SHISA9: variants seen among roughly 807,000 people sequenced by gnomAD.
The protein encoded by SHISA9 is protein shisa-9.
Under a neutral mutation model 38.0 loss-of-function variants are expected in SHISA9, and 13 were observed. The ratio of observed to expected loss-of-function variants is 0.34; its 90% CI spans 0.22 to 0.54. The LOEUF (loss-of-function observed/expected upper bound fraction) is 0.54, where lower values mean the gene tolerates loss of function less well. Among genes scored for constraint, SHISA9 ranks in the 20% least tolerant of loss-of-function variants. The pLI, the probability that SHISA9 is intolerant of heterozygous loss-of-function variation, is 0.91. For missense variants in SHISA9, 538 were observed against 575.8 expected, an observed-to-expected ratio of 0.93 and a Z score of 0.67; for synonymous variants, 275 against 242.0, an observed-to-expected ratio of 1.14 and a Z score of -1.27.
the SHISA9 span, among the ~76,000 whole-genome samples, chr16:13,355,943 G>C: frequency 3.9e-5 from 6 of 152,190 alleles, no homozygotes; most frequent in African/African-American, 1.4e-4. Flanking sequence ...GATTTTCAGT[G>C]GGGTCCCACA....
At chr16:13,204,823 G>C (rs2051047851) in intron 3 of SHISA9, 1 of 152,194 alleles carries the variant, frequency 6.6e-6, no homozygotes, top group Admixed American at 6.5e-5. Context: ...AGCAGCAGTG[G>C]GTGACAGAGC....
At chr16:13,469,563 C>T in the SHISA9 span, among the ~76,000 whole-genome samples, 1 of 152,238 alleles carries the variant, frequency 6.6e-6, no homozygotes, top group African/African-American at 2.4e-5. Flanking sequence ...CTATAAAATC[C>T]AGTTCTGTGC....
At chr16:13,439,164 A>C in the SHISA9 span, among the ~76,000 whole-genome samples, 4 of 152,194 alleles carry the variant, frequency 2.6e-5, no homozygotes, top group Non-Finnish European at 5.9e-5. Flanking sequence ...GATGGACCCT[A>C]TGTCTCCTCT....
At chr16:13,286,639 G>T in the SHISA9 span, among the ~76,000 whole-genome samples, 1 of 152,182 alleles carries the variant, frequency 6.6e-6, no homozygotes, top group Non-Finnish European at 1.5e-5. Context: ...ATATCGGAGA[G>T]CTTTGATGTG....
the SHISA9 span, among the ~76,000 whole-genome samples, chr16:13,373,308 G>A: frequency 3.3e-5 from 5 of 152,208 alleles, no homozygotes; most frequent in African/African-American, 9.6e-5. Flanking sequence ...TAGCCTGGGA[G>A]GTAGTATGCT....
rs536470298 is a variant in SHISA9, at chr16:12,914,228, T to C, written c.564-2460T>C. ...GCCCGGCTAATTTTTGTATTTTTAGTAGAGATGGGGTTTCACCATGTTGGT... is the reference window on the plus strand; with the variant it reads ...GCCCGGCTAATTTTTGTATTTTTAGCAGAGATGGGGTTTCACCATGTTGGT... On this transcript the variant is annotated intron_variant, in intron 1 of 4. Transcript: ENST00000558583. Among the ~76,000 whole-genome samples the C allele has an allele frequency of 3.3e-5, 5 of 152,066 alleles. No individual in the cohort carries two copies. The South Asian group carries it at 1.0e-3, about 32-fold the overall frequency.
chr16:13,308,375 C>T, the SHISA9 span, among the ~76,000 whole-genome samples: 1 of 152,148 alleles, frequency 6.6e-6, no homozygotes, highest in Non-Finnish European at 1.5e-5. Context: ...GAGACTGGCA[C>T]CCATGGTAGT....
At chr16:13,271,972 C>G in the SHISA9 span, among the ~76,000 whole-genome samples, 2 of 151,544 alleles carry the variant, frequency 1.3e-5, no homozygotes, top group Non-Finnish European at 2.9e-5. Context: ...CCAGCTACTT[C>G]GGAAGCTGAG....
At chr16:13,490,547 A>C in the SHISA9 span, among the ~76,000 whole-genome samples, 1 of 152,234 alleles carries the variant, frequency 6.6e-6, no homozygotes, top group Non-Finnish European at 1.5e-5. Flanking sequence ...CCTGGGCAAC[A>C]GAGCAAGAGC....
chr16:13,324,569 A>G, the SHISA9 span, among the ~76,000 whole-genome samples: 2 of 152,270 alleles, frequency 1.3e-5, no homozygotes, highest in East Asian at 1.9e-4. Flanking sequence ...GTTTTTTTCA[A>G]TCTAGGCATC....
Position 12,901,998 on chromosome 16 carries a change from C to T in SHISA9, c.-67C>T. ...GCAGCAGCCTCGGCAGCTTCGGCCG[C>T]GCCTCGAGAGGCGGCCGCAGAGGCT... On this transcript the variant is annotated 5_prime_UTR_variant, in exon 1 of 5. Coordinates refer to ENST00000558583, the MANE Select transcript of SHISA9 (RefSeq NM_001145204.3). 5.4e-6 allele frequency: 7 copies of T among 1,302,704 alleles called. No individual in the cohort carries two copies. The highest frequency in any genetic ancestry group is 9.8e-7 in the Non-Finnish European group (1 of 1,019,938). The allele number at this position is 1,302,704 out of a possible 1,614,324, so 80.7% of individuals were successfully genotyped here. A position where few individuals can be genotyped will look rare whatever the true frequency, so the allele number is the denominator to read the frequency against.
At chr16:13,469,322 GAAAGAAAGAA>G in the SHISA9 span, among the ~76,000 whole-genome samples, 7 of 72,024 alleles carry the variant, frequency 9.7e-5, no homozygotes, top group East Asian at 3.6e-4. Flanking sequence ...GAGAGAGAGA[GAAAGAAAGAA>G]AGAAAGAAAG....
the SHISA9 span, among the ~76,000 whole-genome samples, chr16:13,441,403 T>C: frequency 3.3e-5 from 5 of 152,278 alleles, no homozygotes; most frequent in African/African-American, 9.6e-5. Context: ...AGAATGACCC[T>C]ATCATCTAAG....
intron 2 of SHISA9, among the ~76,000 whole-genome samples, chr16:13,190,579 C>T (rs1035466510): frequency 2.6e-5 from 4 of 152,284 alleles, no homozygotes; most frequent in South Asian, 2.1e-4. Context: ...TGTGCTTGCG[C>T]GGGAACCTCT....
At chr16:13,049,092 C>G (rs552580941) in intron 2 of SHISA9, among the ~76,000 whole-genome samples, 34 of 152,086 alleles carry the variant, frequency 2.2e-4, no homozygotes, top group African/African-American at 7.7e-4. Flanking sequence ...TCAGCAGGCA[C>G]TAGCCAGGAA....
chr16:13,123,521 C>A (rs577771656), intron 2 of SHISA9, among the ~76,000 whole-genome samples: 1 of 152,172 alleles, frequency 6.6e-6, no homozygotes, highest in East Asian at 1.9e-4. Flanking sequence ...TTCTAAGTAA[C>A]ACAGGAAGAA....
the SHISA9 span, among the ~76,000 whole-genome samples, chr16:13,520,061 C>G: frequency 3.0e-4 from 45 of 152,158 alleles, no homozygotes; most frequent in African/African-American, 1.0e-3. Flanking sequence ...GCCATGAGAA[C>G]CACAGCAAGA....
At chr16:13,083,076 T>C (rs2073671136) in intron 2 of SHISA9, among the ~76,000 whole-genome samples, 1 of 152,174 alleles carries the variant, frequency 6.6e-6, no homozygotes, top group African/African-American at 2.4e-5. Context: ...CAAGTAAGCC[T>C]GTGCTCCCCT....
At chr16:13,483,910 T>A in the SHISA9 span, among the ~76,000 whole-genome samples, 1 of 152,164 alleles carries the variant, frequency 6.6e-6, no homozygotes, top group Admixed American at 6.5e-5. Context: ...AACTGATAAA[T>A]GCATTTCCCT....
Sources: allele counts gnomAD v4.1 joint callset (sites outside exome capture counted in the v4.1 genomes callset), GRCh38; gene constraint gnomAD v4.1.1; transcripts MANE v1.5; gene names NCBI Gene and HGNC (gene_info 2026-07-23, HGNC 2026-07-21).